BANF2: variants seen among roughly 807,000 people sequenced by gnomAD.
BANF2 encodes the protein BANF family member 2, also known as barrier-to-autointegration factor-like protein.
BANF2 carries 4 observed loss-of-function variants against 8.0 expected under a neutral mutation model. The ratio of observed to expected loss-of-function variants is 0.50; its 90% CI spans 0.25 to 1.14. The LOEUF (loss-of-function observed/expected upper bound fraction) is 1.14. Among genes scored for constraint, BANF2 ranks in the 50% most tolerant of loss-of-function variants. The pLI is 0.16. For missense variants in BANF2, 96 were observed against 107.5 expected (o/e 0.89, Z 0.47); for synonymous variants, 50 against 40.6 (o/e 1.23, Z -0.88).
intron 2 of BANF2, 106 bp from the exon 3 acceptor site, chr20:17,724,917 C>A: frequency 8.4e-7 from 1 of 1,188,324 alleles, no homozygotes; most frequent in Non-Finnish European, 1.2e-6. Context: ...ATTCTGCCAT[C>A]TGTTGCCCCA....
intron 1 of BANF2, among the ~76,000 whole-genome samples, chr20:17,703,323 G>A (rs540701707): frequency 2.7e-4 from 41 of 152,278 alleles, no homozygotes; most frequent in African/African-American, 8.9e-4. Flanking sequence ...CCAGAGCAGG[G>A]ATGCAGTCTG....
chr20:17,716,328 C>T (rs551967185), intron 1 of BANF2, among the ~76,000 whole-genome samples: 3 of 152,212 alleles, frequency 2.0e-5, no homozygotes, highest in South Asian at 4.1e-4. Context: ...AGGTTACCCC[C>T]CTTCTTTTCT....
Position 17,733,999 on chromosome 20 carries a change from T to G in BANF2, c.127-1666T>G, listed in dbSNP as rs531394771. ...GGCATGGGTGGATGCTGGTTCTTGT[T>G]GGTTCCAGGCTGGAGAGCCCCCAAA... On this transcript the variant is annotated intron_variant, in intron 3 of 3. Coordinates refer to ENST00000246090, the MANE Select transcript of BANF2 (RefSeq NM_178477.5). 1.4e-3 allele frequency among the ~76,000 whole-genome samples: 220 copies of G among 152,362 alleles called. 1 individual carries two copies. The highest frequency in any genetic ancestry group is 2.3e-3 in the Non-Finnish European group (157 of 68,034).
upstream of BANF2, among the ~76,000 whole-genome samples, chr20:17,698,569 C>A (rs2037370030): frequency 6.6e-6 from 1 of 152,210 alleles, no homozygotes; most frequent in Non-Finnish European, 1.5e-5. Flanking sequence ...ATTTATCTAC[C>A]AACTGATAAT....
At chr20:17,723,622 T>C (rs2037762604) in intron 2 of BANF2, among the ~76,000 whole-genome samples, 1 of 152,218 alleles carries the variant, frequency 6.6e-6, no homozygotes, top group Non-Finnish European at 1.5e-5. Context: ...AAGGGGATGC[T>C]ACAATGAACA....
At chr20:17,694,601 CTTTTTTTTTTTTT>C (rs869067650) in intron 1 of BANF2, among the ~76,000 whole-genome samples, 144 of 26,768 alleles carry the variant, frequency 5.4e-3, no homozygotes, top group Admixed American at 0.021. Flanking sequence ...TTTTCTCTCT[CTTTTTTTTTTTTT>C]TTTTTTTTTT....
intron 1 of BANF2, among the ~76,000 whole-genome samples, chr20:17,701,582 G>C (rs768634878): frequency 6.6e-6 from 1 of 152,182 alleles, no homozygotes; most frequent in Non-Finnish European, 1.5e-5. Flanking sequence ...TGATCAGCTG[G>C]GAGCTGGACC....
In BANF2 at chr20:17,731,827, G is replaced by A. The variant is rs552420995; in HGVS notation, c.127-3838G>A. On this transcript the variant is annotated intron_variant, in intron 3 of 3. Coordinates refer to ENST00000246090, the MANE Select transcript of BANF2 (RefSeq NM_178477.5). ...CACTCCTGTAATCCCAGCACTTTGGGAGGCCGAGGCGGGCAGATCACGAGG... is the reference window on the plus strand; with the variant it reads ...CACTCCTGTAATCCCAGCACTTTGGAAGGCCGAGGCGGGCAGATCACGAGG... Among the ~76,000 whole-genome samples the A allele has an allele frequency of 4.7e-5, 7 of 150,194 alleles. No individual in the cohort carries two copies. The South Asian group carries it at 1.5e-3, about 32-fold the overall frequency.
Position 17,712,915 on chromosome 20 carries a change from TGTG to T in BANF2, c.-166-9797_-166-9795del, listed in dbSNP as rs149597260. 4.8e-3 allele frequency among the ~76,000 whole-genome samples: 724 copies of T among 151,964 alleles called. 7 individuals are homozygous for T. Among genetic ancestry groups the T allele is most frequent in the African/African-American group, 0.017 (707 of 41,428 alleles). On this transcript the variant is annotated intron_variant, in intron 1 of 3. Transcript: ENST00000246090. The stretch of plus-strand genomic sequence containing the variant: ...ATGATGGATGAATGGAGGAGCAAAA[TGTG>T]GTGTATACAATGGAATGTTGTTTAG...
rs1047694112 is a variant in BANF2 at position 17,722,739 on chromosome 20, C to T, written c.-143C>T. On this transcript the variant is annotated 5_prime_UTR_variant, in exon 2 of 4. Coordinates refer to ENST00000246090, the MANE Select transcript of BANF2 (RefSeq NM_178477.5). Reference sequence around the variant, plus strand: ...AGAATCTGCTGACACATCAAGGCCACTTTTCTTAGGAGCCCCCTGACTTCC... The same window carrying T: ...AGAATCTGCTGACACATCAAGGCCATTTTTCTTAGGAGCCCCCTGACTTCC... The T allele has an allele frequency of 1.0e-6, 1 of 985,054 alleles. No homozygotes were observed. The highest frequency in any genetic ancestry group is 4.7e-5 in the South Asian group (1 of 21,272). The allele number at this position is 985,054 out of a possible 1,614,324, so 61.0% of individuals were successfully genotyped here. A position where few individuals can be genotyped will look rare whatever the true frequency, so the allele number is the denominator to read the frequency against.
chr20:17,705,331 G>C (rs2037467496), intron 1 of BANF2, among the ~76,000 whole-genome samples: 2 of 152,196 alleles, frequency 1.3e-5, no homozygotes, highest in African/African-American at 4.8e-5. Flanking sequence ...GTCCTTGTGT[G>C]ATGGCTGAGA....
In BANF2 at chr20:17,722,815, G is replaced by T; in HGVS notation, c.-67G>T. 1.0e-6 allele frequency: 1 copy of T among 985,224 alleles called. No homozygotes were observed. The highest frequency in any genetic ancestry group is 1.2e-6 in the Non-Finnish European group (1 of 829,782). The allele number at this position is 985,224 out of a possible 1,614,324, so 61.0% of individuals were successfully genotyped here. A position where few individuals can be genotyped will look rare whatever the true frequency, so the allele number is the denominator to read the frequency against. On this transcript the variant is annotated 5_prime_UTR_variant, in exon 2 of 4. Coordinates refer to ENST00000246090, the MANE Select transcript of BANF2 (RefSeq NM_178477.5). ...CTTCCGGGAGAGTTCAGTGTCTTCTGAAATGTTACAAAACGTCCTTCAGAG... is the reference window on the plus strand; with the variant it reads ...CTTCCGGGAGAGTTCAGTGTCTTCTTAAATGTTACAAAACGTCCTTCAGAG...
At chr20:17,713,260 T>TGAGA (rs144968177) in intron 1 of BANF2, among the ~76,000 whole-genome samples, 35 of 144,944 alleles carry the variant, frequency 2.4e-4, no homozygotes, top group Admixed American at 1.1e-3. Context: ...AAAGAAAGAA[T>TGAGA]GAGAGAGAGA....
chr20:17,726,493 T>C (rs971877020), intron 3 of BANF2, among the ~76,000 whole-genome samples: 3 of 152,144 alleles, frequency 2.0e-5, no homozygotes, highest in African/African-American at 7.2e-5. Flanking sequence ...TGATGAAAAA[T>C]TCCTTTTTTA....
chr20:17,733,401 C>T (rs933548819), intron 3 of BANF2, among the ~76,000 whole-genome samples: 10 of 152,192 alleles, frequency 6.6e-5, no homozygotes, highest in Admixed American at 2.0e-4. Context: ...AAAAGTGCTA[C>T]TTAGCATTAA....
chr20:17,693,841 C>A, intron 1 of BANF2: 1 of 1,047,868 alleles, frequency 9.5e-7, no homozygotes, highest in South Asian at 1.4e-5. Context: ...GAATTCTTTT[C>A]GGAACGTGTC....
chr20:17,714,178 C>T lies in BANF2; in HGVS notation c.-166-8538C>T, dbSNP rs866976419. On this transcript the variant is annotated intron_variant, in intron 1 of 3. Transcript: ENST00000246090. ...TACCACTGCACTCCAGCAGCCTGGG[C>T]GACAGAGTGAGACTCTGTCAAAAAA... 1.6e-3 allele frequency among the ~76,000 whole-genome samples: 192 copies of T among 117,102 alleles called. 3 individuals carry two copies. The highest frequency in any genetic ancestry group is 6.3e-3 in the African/African-American group (178 of 28,318). 76.8% of individuals were successfully genotyped at this position (117,102 alleles called of 152,430 possible).
At chr20:17,707,660 A>G (rs983528897) in intron 1 of BANF2, among the ~76,000 whole-genome samples, 2 of 151,914 alleles carry the variant, frequency 1.3e-5, no homozygotes, top group Non-Finnish European at 2.9e-5. Flanking sequence ...GCTCATTGCC[A>G]CATCCACCTC....
At chr20:17,697,187 A>G (rs1414135073), upstream of BANF2, among the ~76,000 whole-genome samples, 1 of 152,178 alleles carries the variant, frequency 6.6e-6, no homozygotes, top group Non-Finnish European at 1.5e-5. Context: ...AACTCCCCCA[A>G]AAGCATGAAC....
Sources: allele counts gnomAD v4.1 joint callset (sites outside exome capture counted in the v4.1 genomes callset), GRCh38; gene constraint gnomAD v4.1.1; transcripts MANE v1.5; gene names NCBI Gene and HGNC (gene_info 2026-07-23, HGNC 2026-07-21).